Variants in ADAMTS14 observed in about 807,000 individuals in gnomAD.
ADAMTS14 encodes the protein A disintegrin and metalloproteinase with thrombospondin motifs 14.
Under a neutral mutation model 128.6 loss-of-function variants are expected in ADAMTS14, and 100 were observed. The ratio of observed to expected loss-of-function variants is 0.78; its 90% CI spans 0.66 to 0.92. The LOEUF is 0.92. Ranked by LOEUF, ADAMTS14 falls within the 40% of genes least tolerant of loss-of-function variation. The probability of loss-of-function intolerance (pLI) is 0.00; values close to 1 mark genes in which losing one functional copy is unlikely to be tolerated. For synonymous variants in ADAMTS14, 665 were observed against 653.8 expected, an observed-to-expected ratio of 1.02 and a Z score of -0.26; for missense variants, 1,562 against 1,658.6, an observed-to-expected ratio of 0.94 and a Z score of 1.01.
chr10:70,693,596 C>G (rs1840250815), intron 2 of ADAMTS14, among the ~76,000 whole-genome samples: 1 of 152,208 alleles, frequency 6.6e-6, no homozygotes, highest in African/African-American at 2.4e-5. Flanking sequence ...AAGTAAGTGT[C>G]CCAAGATTAC....
At chr10:70,673,382 C>T (rs960574721) in intron 1 of ADAMTS14, among the ~76,000 whole-genome samples, 3 of 152,146 alleles carry the variant, frequency 2.0e-5, no homozygotes, top group African/African-American at 7.2e-5. Flanking sequence ...AAACACACAT[C>T]CTTCCACTGC....
intron 4 of ADAMTS14, among the ~76,000 whole-genome samples, chr10:70,727,083 T>C (rs1281186948): frequency 6.6e-6 from 1 of 152,242 alleles, no homozygotes; most frequent in Non-Finnish European, 1.5e-5. Context: ...CCGGCTGCTC[T>C]GAAGTCTGCC....
In ADAMTS14 at chr10:70,702,355, C is replaced by G; in HGVS notation, c.566C>G (p.Pro189Arg). 2 of 1,614,224 alleles carry G rather than the reference C, an allele frequency of 1.2e-6. No individual in the cohort carries two copies. The highest frequency in any genetic ancestry group is 1.7e-6 in the Non-Finnish European group (2 of 1,180,040). Reference sequence around the variant, plus strand: ...GACAGCACCGACTTCTTCATTGAGCCTCTGGAGCGGGGCCAGCAGGAGAAG... The same window carrying G: ...GACAGCACCGACTTCTTCATTGAGCGTCTGGAGCGGGGCCAGCAGGAGAAG... ...RTDSTDFFIE[P>R]LERGQQEKEA... is the part of the protein sequence containing the mutation. The change falls in exon 3 of 22, where the codon CCT becomes CGT. Residue 189 changes from proline to arginine, a missense_variant. Coordinates refer to ENST00000373207, the MANE Select transcript of ADAMTS14 (RefSeq NM_080722.4).
At chr10:70,757,259 C>T (rs1368567300) in intron 19 of ADAMTS14, among the ~76,000 whole-genome samples, 1 of 152,164 alleles carries the variant, frequency 6.6e-6, no homozygotes, top group Non-Finnish European at 1.5e-5. Context: ...AAACGGTGGT[C>T]CTCGGTCCTC....
intron 3 of ADAMTS14, among the ~76,000 whole-genome samples, 192 bp downstream of exon 3, chr10:70,702,660 G>A (rs550030427): frequency 3.0e-4 from 45 of 152,340 alleles, no homozygotes; most frequent in African/African-American, 8.4e-4. Context: ...ATTGGCTGGA[G>A]CTAGGGGCCA....
intron 2 of ADAMTS14, 99 bp downstream of exon 2, chr10:70,675,094 A>G (rs959531027): frequency 3.0e-5 from 43 of 1,421,474 alleles, no homozygotes; most frequent in Non-Finnish European, 3.4e-5. Context: ...GTCTGGGCCA[A>G]GGCAGGGGTG....
chr10:70,684,560 C>T (rs547370526), intron 2 of ADAMTS14, among the ~76,000 whole-genome samples: 1 of 152,372 alleles, frequency 6.6e-6, no homozygotes, highest in South Asian at 2.1e-4. Flanking sequence ...GATTTGACGT[C>T]TCTGAGCCTC....
Position 70,672,721 on chromosome 10 carries a change from CG to C in ADAMTS14, c.-78del. ...GCAGCCAGCCGGTGCTCCGACAGCC[CG>C]GGGCGCACCCTAGCCTCGCCGCCCT... On this transcript the variant is annotated 5_prime_UTR_variant, in exon 1 of 22. Coordinates refer to ENST00000373207, the MANE Select transcript of ADAMTS14 (RefSeq NM_080722.4). The C allele has an allele frequency of 7.2e-7, 1 of 1,379,682 alleles. No homozygotes were observed. The highest frequency in any genetic ancestry group is 9.3e-7 in the Non-Finnish European group (1 of 1,071,258). 85.5% of individuals were successfully genotyped at this position (1,379,682 alleles called of 1,614,324 possible).
At chr10:70,710,525 T>A (rs1253228177) in intron 4 of ADAMTS14, among the ~76,000 whole-genome samples, 1 of 152,194 alleles carries the variant, frequency 6.6e-6, no homozygotes, top group African/African-American at 2.4e-5. Flanking sequence ...AATCACCTTA[T>A]CCTCAGTCTA....
At chr10:70,729,702 G>C (rs758176925) in intron 5 of ADAMTS14, among the ~76,000 whole-genome samples, 3 of 152,128 alleles carry the variant, frequency 2.0e-5, no homozygotes, top group Non-Finnish European at 4.4e-5. Context: ...CCTGCGCTCT[G>C]CAATCTTAGA....
At chr10:70,698,849 G>A (rs972506774) in intron 2 of ADAMTS14, among the ~76,000 whole-genome samples, 2 of 152,114 alleles carry the variant, frequency 1.3e-5, no homozygotes, top group South Asian at 2.1e-4. Context: ...GCTGGACCCC[G>A]GACCCAGGGT....
rs540252075 is a variant in ADAMTS14, at chr10:70,736,655, G to A, written c.1486-25G>A. ...TTGGACAAAGAGCCAGTCCAGTCTG[G>A]TGACCCCATTCCCTTGCCATGCAGT... On this transcript the variant is annotated intron_variant, in intron 9 of 21. Transcript: ENST00000373207. The A allele has an allele frequency of 4.7e-4, 753 of 1,606,820 alleles. 9 individuals are homozygous for A. The South Asian group carries it at 7.8e-3, about 17-fold the overall frequency.
intron 11 of ADAMTS14, 69 bp downstream of exon 11, chr10:70,739,059 A>G (rs1589321119): frequency 1.3e-6 from 2 of 1,530,712 alleles, no homozygotes; most frequent in East Asian, 4.6e-5. Flanking sequence ...TTGGAGGGGA[A>G]GGCACTGGGG....
intron 3 of ADAMTS14, among the ~76,000 whole-genome samples, chr10:70,704,950 A>G (rs1840614277): frequency 6.6e-6 from 1 of 151,860 alleles, no homozygotes; most frequent in African/African-American, 2.4e-5. Context: ...AGACCCCTCT[A>G]TACACTCATA....
chr10:70,760,240 T>C, intron 21 of ADAMTS14, 120 bp from the exon 22 acceptor site: 1 of 1,331,528 alleles, frequency 7.5e-7, no homozygotes, highest in South Asian at 1.6e-5. Context: ...AGCTTTATAG[T>C]GGGTCCAGCA....
intron 11 of ADAMTS14, 147 bp downstream of exon 11, chr10:70,739,137 T>G: frequency 1.9e-6 from 2 of 1,028,868 alleles, no homozygotes; most frequent in East Asian, 5.3e-5. Flanking sequence ...CACAAACTTG[T>G]TGGTGGAGGC....
At position 70,708,632 on chromosome 10, in the gene ADAMTS14, G is replaced by A. The variant is rs770664087; in HGVS notation, c.724G>A (p.Asp242Asn). The A allele has an allele frequency of 3.7e-6, 6 of 1,611,826 alleles. No individual in the cohort carries two copies. The highest frequency in any genetic ancestry group is 3.3e-5 in the Admixed American group (2 of 59,966). The stretch of plus-strand genomic sequence containing the variant: ...TCCCAACCTGCTGGGCCTGGTGGGG[G>A]ACCAGCTGGGCGACACAGAGCGGAA... ...DLPNLLGLVGDQLGDTERKRR... is the reference protein window; with the variant it reads ...DLPNLLGLVGNQLGDTERKRR... Residue 242 changes from aspartate (D) to asparagine (N), a missense_variant, in exon 4 of 22, where the codon GAC becomes AAC. Coordinates refer to ENST00000373207, the MANE Select transcript of ADAMTS14 (RefSeq NM_080722.4).
In ADAMTS14 at chr10:70,743,625, G is replaced by A; in HGVS notation, c.2002G>A (p.Gly668Arg). 1 of 1,612,442 alleles carries A rather than the reference G, an allele frequency of 6.2e-7. No individual in the cohort carries two copies. Among genetic ancestry groups the A allele is most frequent in the Non-Finnish European group, 8.5e-7 (1 of 1,179,490 alleles). Residue 668 changes from glycine (G) to arginine (R), a missense_variant, in exon 13 of 22, where the codon GGG becomes AGG. Coordinates refer to ENST00000373207, the MANE Select transcript of ADAMTS14 (RefSeq NM_080722.4). Reference protein sequence around the residue: ...VVFMNQVVHDGTRCSYRDPYS... With the variant: ...VVFMNQVVHDRTRCSYRDPYS... ...GTTCATGAACCAGGTGGTTCACGAT[G>A]GGACACGCTGCAGCTACCGGGACCC...
chr10:70,739,138 T>C lies in ADAMTS14; in HGVS notation c.1748+148T>C. 5 of 1,021,840 alleles carry C rather than the reference T, an allele frequency of 4.9e-6. 1 individual carries two copies. Among genetic ancestry groups the C allele is most frequent in the South Asian group, 3.4e-5 (2 of 58,728 alleles). 63.3% of individuals were successfully genotyped at this position (1,021,840 alleles called of 1,614,324 possible). On this transcript the variant is annotated intron_variant, in intron 11 of 21. Coordinates refer to ENST00000373207, the MANE Select transcript of ADAMTS14 (RefSeq NM_080722.4). Reference sequence around the variant, plus strand: ...CTAACGCATGAGGACACAAACTTGTTGGTGGAGGCAGATCACTCCTACCTG... The same window carrying C: ...CTAACGCATGAGGACACAAACTTGTCGGTGGAGGCAGATCACTCCTACCTG...
Sources: allele counts gnomAD v4.1 joint callset (sites outside exome capture counted in the v4.1 genomes callset), GRCh38; gene constraint gnomAD v4.1.1; transcripts MANE v1.5; gene names NCBI Gene and HGNC (gene_info 2026-07-23, HGNC 2026-07-21).